DOCK9: variants seen among roughly 807,000 people sequenced by gnomAD.
DOCK9 encodes dedicator of cytokinesis 9.
In DOCK9, 89 loss-of-function variants were observed where a neutral mutation model predicts 263.3. The observed-to-expected ratio is 0.34, with a 90% CI of 0.28 to 0.40. The LOEUF is 0.40. DOCK9 is among the 10% of genes least tolerant of loss of function. The pLI, the probability that DOCK9 is intolerant of heterozygous loss-of-function variation, is 1.00. For missense variants in DOCK9, 2,140 were observed against 2,603.4 expected (o/e 0.82, Z 3.87); for synonymous variants, 976 against 973.1 (o/e 1.00, Z -0.06).
At chr13:98,919,536 C>G (rs559877843) in intron 7 of DOCK9, among the ~76,000 whole-genome samples, 5 of 152,360 alleles carry the variant, frequency 3.3e-5, no homozygotes, top group Middle Eastern at 3.4e-3. Context: ...AGTCTCCTTA[C>G]AGAATCGAGC....
chr13:98,923,293 G>A lies in DOCK9; in HGVS notation c.486+9C>T, dbSNP rs374126253. ...TGAAAAGAGAAGCAACAGCAAGCAG[G>A]TATCCCACCTCATCTTTGTCGACCT... On this transcript the variant is annotated intron_variant, in intron 5 of 52. Coordinates refer to ENST00000682017, the MANE Select transcript of DOCK9 (RefSeq NM_001366683.2). 4 of 1,611,634 alleles carry A rather than the reference G, an allele frequency of 2.5e-6. No individual in the cohort carries two copies. The African/African-American group carries it at 5.3e-5, about 22-fold the overall frequency.
At chr13:98,864,294 G>C (rs796199346) in intron 30 of DOCK9, among the ~76,000 whole-genome samples, 11 of 152,284 alleles carry the variant, frequency 7.2e-5, no homozygotes, top group African/African-American at 2.6e-4. Context: ...CTGGAAAACA[G>C]ATAGGAGCAA....
At chr13:98,882,876 G>A (rs1363781852) in intron 23 of DOCK9, among the ~76,000 whole-genome samples, 166 bp downstream of exon 23, 2 of 152,166 alleles carry the variant, frequency 1.3e-5, no homozygotes, top group Admixed American at 6.5e-5. Context: ...GAGTAGTGCC[G>A]TTCCTAGGTC....
intron 34 of DOCK9, among the ~76,000 whole-genome samples, chr13:98,855,196 T>C (rs1025318862): frequency 2.0e-5 from 3 of 152,198 alleles, no homozygotes; most frequent in Admixed American, 1.3e-4. Flanking sequence ...ACCTATATGA[T>C]CAATTATTCT....
At position 98,809,420 on chromosome 13, in the gene DOCK9, C is replaced by T; in HGVS notation, c.5299G>A (p.Val1767Met). The T allele has an allele frequency of 1.2e-6, 2 of 1,613,228 alleles. No homozygotes were observed. Among genetic ancestry groups the T allele is most frequent in the Middle Eastern group, 1.7e-4 (1 of 6,058 alleles). The change falls in exon 47 of 53, where the codon GTG (valine) becomes ATG (methionine). Residue 1767 changes from valine (V) to methionine (M), a missense_variant. Val to Met is a conservative substitution (Grantham distance 21). Coordinates refer to ENST00000682017, the MANE Select transcript of DOCK9 (RefSeq NM_001366683.2). ...YDTLHRAYSK[V>M]TEVMHSGRRL... Reference sequence around the variant, plus strand: ...CGGCCCGAGTGCATGACCTCGGTCACTTTGCTGTAGGCCCGGTGCAGCGTG... The same window carrying T: ...CGGCCCGAGTGCATGACCTCGGTCATTTTGCTGTAGGCCCGGTGCAGCGTG...
At chr13:98,847,580 T>G (rs1278706909) in intron 37 of DOCK9, 1 of 152,110 alleles carries the variant, frequency 6.6e-6, no homozygotes, top group Non-Finnish European at 1.5e-5. Context: ...TTCTGAAAAT[T>G]TCTCAAATAT....
intron 45 of DOCK9, among the ~76,000 whole-genome samples, chr13:98,812,073 A>C (rs1418270575): frequency 7.0e-6 from 1 of 142,398 alleles, no homozygotes; most frequent in Non-Finnish European, 1.5e-5. Context: ...CCATTTCTGG[A>C]CTCTCTGTTT....
intron 7 of DOCK9, among the ~76,000 whole-genome samples, 179 bp downstream of exon 7, chr13:98,920,775 C>T (rs559094155): frequency 6.2e-4 from 95 of 152,366 alleles, no homozygotes; most frequent in Non-Finnish European, 1.2e-3. Flanking sequence ...TCTGCCTCTA[C>T]ATTATCCCTT....
At chr13:98,808,716 T>G in intron 47 of DOCK9, 2 of 1,356,596 alleles carry the variant, frequency 1.5e-6, no homozygotes, top group African/African-American at 2.9e-5. Context: ...AAATTGAAGG[T>G]TATATAATGC....
chr13:99,063,201 G>C (rs1044234176), intron 1 of DOCK9, among the ~76,000 whole-genome samples: 1 of 152,230 alleles, frequency 6.6e-6, no homozygotes, highest in African/African-American at 2.4e-5. Context: ...AGGTAGAAAA[G>C]AACAGGGACA....
chr13:99,088,017 A>G (rs1234575779), upstream of DOCK9: 1 of 152,234 alleles, frequency 6.6e-6, no homozygotes, highest in African/African-American at 2.4e-5. Flanking sequence ...GCGTAATCTT[A>G]AAGTGGTAGG....
At position 98,947,617 on chromosome 13, in the gene DOCK9, T is replaced by G. The variant is rs377617268; in HGVS notation, c.243+7818A>C. ...CTCCGCCTCCCGGGTTCAAGTGTCC[T>G]GCCTCATCCTCCCAAGTAGCTGGGA... On this transcript the variant is annotated intron_variant, in intron 2 of 52. Transcript: ENST00000682017. 1.7e-4 allele frequency among the ~76,000 whole-genome samples: 26 copies of G among 151,476 alleles called. No individual in the cohort carries two copies. The South Asian group carries it at 5.0e-3, about 29-fold the overall frequency.
intron 5 of DOCK9, 107 bp from the exon 6 acceptor site, chr13:98,922,253 T>G: frequency 2.6e-6 from 2 of 755,814 alleles, no homozygotes; most frequent in Admixed American, 2.2e-5. Flanking sequence ...AAGTTGTCCA[T>G]TGCCCCTTTA....
intron 15 of DOCK9, among the ~76,000 whole-genome samples, chr13:98,890,346 T>C (rs1298530930): frequency 6.6e-6 from 1 of 152,184 alleles, no homozygotes; most frequent in East Asian, 1.9e-4. Flanking sequence ...GTTGAACAAC[T>C]GCCCACTCAC....
rs1295239721 is a variant in DOCK9, at chr13:98,879,943, C to G, written c.2898G>C (p.Leu966=). 6.2e-7 allele frequency: 1 copy of G among 1,608,894 alleles called. No homozygotes were observed. Among genetic ancestry groups the G allele is most frequent in the South Asian group, 1.1e-5 (1 of 89,734 alleles). Residue 966 remains leucine (L), a synonymous_variant, in exon 27 of 53, where the codon CTG becomes CTC. Coordinates refer to ENST00000682017, the MANE Select transcript of DOCK9 (RefSeq NM_001366683.2). ...TCAAATGCTGAGCCATAGATTTGAT[C>G]AGTACATCAAAGAAAAACCATGAGT... The part of the protein sequence containing the change: ...LKYSWFFFDV[L]IKSMAQHLIE...
intron 4 of DOCK9, among the ~76,000 whole-genome samples, chr13:98,924,333 A>G (rs2140143345): frequency 6.6e-6 from 1 of 152,380 alleles, no homozygotes; most frequent in Non-Finnish European, 1.5e-5. Flanking sequence ...AGGTCTACTG[A>G]GAACCGCATA....
intron 45 of DOCK9, among the ~76,000 whole-genome samples, chr13:98,811,064 A>G (rs1363408987): frequency 1.3e-5 from 2 of 152,206 alleles, no homozygotes; most frequent in Non-Finnish European, 2.9e-5. Context: ...CTGCCTCAGT[A>G]GCAGAGTGAA....
intron 27 of DOCK9, among the ~76,000 whole-genome samples, chr13:98,877,921 T>A (rs1298089027): frequency 6.6e-6 from 1 of 152,162 alleles, no homozygotes; most frequent in African/African-American, 2.4e-5. Context: ...TAATAAAAAA[T>A]CCACTGGCGC....
intron 20 of DOCK9, 145 bp from the exon 21 acceptor site, chr13:98,885,237 C>A (rs1429866388): frequency 1.2e-5 from 13 of 1,112,420 alleles, no homozygotes; most frequent in Non-Finnish European, 1.6e-5. Flanking sequence ...TAAATGTAAT[C>A]TCTGCAGAAC....
Sources: gnomAD v4.1 joint callset for allele counts (sites outside exome capture counted in the v4.1 genomes callset) on GRCh38, gnomAD v4.1.1 for gene constraint, MANE v1.5 for transcripts, NCBI Gene and HGNC (gene_info 2026-07-23, HGNC 2026-07-21) for gene names.